The following TNKS variants were observed in gnomAD, a reference collection of about 807,000 sequenced individuals.
The protein encoded by TNKS is tankyrase.
A neutral mutation model predicts 135.8 loss-of-function variants in TNKS; 72 were observed. The observed-to-expected ratio is 0.53, with a 90% confidence interval of 0.44 to 0.64. The LOEUF (loss-of-function observed/expected upper bound fraction) is 0.64, where lower values mean the gene tolerates loss of function less well. Ranked by LOEUF, TNKS falls within the 30% of genes least tolerant of loss-of-function variation. TNKS has a pLI of 0.00. For missense variants in TNKS, 1,769 were observed against 1,674.0 expected, an observed-to-expected ratio of 1.06 and a Z score of -0.99; for synonymous variants, 849 against 649.3, an observed-to-expected ratio of 1.31 and a Z score of -4.68.
chr8:9,573,592 A>G (rs939307941), intron 1 of TNKS, among the ~76,000 whole-genome samples: 2 of 152,220 alleles, frequency 1.3e-5, no homozygotes, highest in African/African-American at 4.8e-5. Flanking sequence ...AGAGAGTTCC[A>G]TGAGTTATTT....
intron 3 of TNKS, among the ~76,000 whole-genome samples, chr8:9,655,725 C>T (rs564228638): frequency 2.0e-5 from 3 of 152,228 alleles, no homozygotes; most frequent in Non-Finnish European, 4.4e-5. Flanking sequence ...AGGACATCCA[C>T]ACCAAAAACC....
chr8:9,617,420 G>A (rs1799687561), intron 3 of TNKS, among the ~76,000 whole-genome samples: 1 of 152,106 alleles, frequency 6.6e-6, no homozygotes, highest in African/African-American at 2.4e-5. Context: ...AGAGTTAATT[G>A]TTCTTTTCAA....
intron 11 of TNKS, among the ~76,000 whole-genome samples, chr8:9,719,845 G>A (rs1167250154): frequency 1.3e-5 from 2 of 152,066 alleles, no homozygotes; most frequent in African/African-American, 4.8e-5. Context: ...AGGAATGTTT[G>A]AATCCTCAAA....
At chr8:9,671,536 C>T (rs758746957) in intron 3 of TNKS, among the ~76,000 whole-genome samples, 4 of 152,184 alleles carry the variant, frequency 2.6e-5, no homozygotes, top group Non-Finnish European at 5.9e-5. Flanking sequence ...ATTCCATTTA[C>T]ATGGCATTCC....
chr8:9,735,661 A>G (rs1805665127), intron 17 of TNKS, among the ~76,000 whole-genome samples, 175 bp downstream of exon 17: 2 of 152,204 alleles, frequency 1.3e-5, no homozygotes, highest in Non-Finnish European at 1.5e-5. Flanking sequence ...TTAGACGGGC[A>G]TAGTGGCGGG....
At chr8:9,573,547 C>G (rs948014652) in intron 1 of TNKS, among the ~76,000 whole-genome samples, 1 of 152,146 alleles carries the variant, frequency 6.6e-6, no homozygotes, top group Non-Finnish European at 1.5e-5. Flanking sequence ...GAGGCAACTT[C>G]AGGCTAAATT....
chr8:9,566,860 G>A (rs962700429), intron 1 of TNKS, among the ~76,000 whole-genome samples: 6 of 150,706 alleles, frequency 4.0e-5, no homozygotes, highest in Admixed American at 6.6e-5. Flanking sequence ...CACCCGCCTC[G>A]GCCTCCCAAA....
intron 3 of TNKS, among the ~76,000 whole-genome samples, chr8:9,629,181 A>G (rs1226520474): frequency 1.3e-5 from 2 of 152,334 alleles, no homozygotes; most frequent in African/African-American, 2.4e-5. Flanking sequence ...ATATAAATCA[A>G]TGGTATCACT....
chr8:9,620,921 AT>A (rs1239381615), intron 3 of TNKS, among the ~76,000 whole-genome samples: 1 of 152,302 alleles, frequency 6.6e-6, no homozygotes, highest in South Asian at 2.1e-4. Flanking sequence ...TTACTTCTTT[AT>A]CCCCAGGACT....
chr8:9,765,613 A>T (rs913176499), intron 23 of TNKS, 79 bp from the exon 24 acceptor site: 43 of 1,268,402 alleles, frequency 3.4e-5, no homozygotes, highest in Non-Finnish European at 4.5e-5. Context: ...GAACCTTCCT[A>T]AAAGGAAAAC....
intron 3 of TNKS, among the ~76,000 whole-genome samples, chr8:9,677,437 A>C (rs1048491195): frequency 2.0e-5 from 3 of 152,150 alleles, no homozygotes; most frequent in African/African-American, 7.2e-5. Flanking sequence ...GAGGTTCCTA[A>C]ATACTTTGCG....
At chr8:9,576,983 T>A (rs1797974060) in intron 1 of TNKS, among the ~76,000 whole-genome samples, 1 of 152,140 alleles carries the variant, frequency 6.6e-6, no homozygotes, top group South Asian at 2.1e-4. Context: ...AACATTGAAT[T>A]TATGTAATAG....
At chr8:9,593,922 T>C (rs1163811568) in intron 2 of TNKS, among the ~76,000 whole-genome samples, 1 of 152,070 alleles carries the variant, frequency 6.6e-6, no homozygotes, top group African/African-American at 2.4e-5. Context: ...AGTCTCACTC[T>C]GTCACCCAGG....
At chr8:9,766,185 T>C in intron 24 of TNKS, 54 bp from the exon 25 acceptor site, 6 of 1,483,532 alleles carry the variant, frequency 4.0e-6, no homozygotes, top group Non-Finnish European at 5.5e-6. Flanking sequence ...GTGCAGGTAA[T>C]TGAGCTTCTA....
intron 3 of TNKS, among the ~76,000 whole-genome samples, chr8:9,651,720 C>T (rs907679736): frequency 1.3e-5 from 2 of 152,170 alleles, no homozygotes; most frequent in African/African-American, 4.8e-5. Context: ...GGCCACTTTT[C>T]TAGCTGTGGT....
rs967154104 is a variant in TNKS, at chr8:9,680,719, T to G, written c.1032-6T>G. 8.7e-6 allele frequency: 14 copies of G among 1,603,456 alleles called. No individual in the cohort carries two copies. Among genetic ancestry groups the G allele is most frequent in the Non-Finnish European group, 1.1e-5 (13 of 1,172,320 alleles). On this transcript the variant is annotated splice_polypyrimidine_tract_variant and splice_region_variant and intron_variant, in intron 4 of 26. Coordinates refer to ENST00000310430, the MANE Select transcript of TNKS (RefSeq NM_003747.3). ...TTAGAGGAATTGACTTACTACCTTT[T>G]TATAGGAGTGGTAATGAAGAAAAAC... is the stretch of plus-strand genomic sequence containing the variant.
intron 11 of TNKS, among the ~76,000 whole-genome samples, chr8:9,716,800 G>A (rs1016711912): frequency 6.6e-6 from 1 of 151,448 alleles, no homozygotes; most frequent in African/African-American, 2.4e-5. Flanking sequence ...GGATTTTTCT[G>A]TATTATTTCT....
intron 2 of TNKS, among the ~76,000 whole-genome samples, chr8:9,592,236 C>G (rs944878579): frequency 2.0e-5 from 3 of 152,078 alleles, no homozygotes; most frequent in Non-Finnish European, 4.4e-5. Flanking sequence ...TATTAATTCC[C>G]AATACTTAAA....
At chr8:9,774,627 GTAAT>G (rs1808120489) in intron 26 of TNKS, among the ~76,000 whole-genome samples, 1 of 152,146 alleles carries the variant, frequency 6.6e-6, no homozygotes. Flanking sequence ...CCTCTGGACT[GTAAT>G]TGATTAATTA....
Sources: gnomAD v4.1 joint callset for allele counts (sites outside exome capture counted in the v4.1 genomes callset) on GRCh38, gnomAD v4.1.1 for gene constraint, MANE v1.5 for transcripts, NCBI Gene and HGNC (gene_info 2026-07-23, HGNC 2026-07-21) for gene names.